DCAF8: variants seen among roughly 807,000 people sequenced by gnomAD.
The protein encoded by DCAF8 is DDB1 and CUL4 associated factor 8.
In DCAF8, 20 loss-of-function variants were observed where a neutral mutation model predicts 68.0. That is an observed-to-expected ratio of 0.29 (90% CI 0.21 to 0.43). DCAF8 has a LOEUF of 0.43. Among genes scored for constraint, DCAF8 ranks in the 20% least tolerant of loss-of-function variants. DCAF8 has a pLI of 1.00. For synonymous variants in DCAF8, 230 were observed against 276.9 expected (o/e 0.83, Z 1.68); for missense variants, 460 against 771.0 (o/e 0.60, Z 4.78).
chr1:160,256,174 A>G (rs1340661277), intron 2 of DCAF8, among the ~76,000 whole-genome samples: 1 of 152,010 alleles, frequency 6.6e-6, no homozygotes, highest in African/African-American at 2.4e-5. Flanking sequence ...CTATAAAAAC[A>G]TCCAGGACCA....
Position 160,222,664 on chromosome 1 carries a change from T to TCCC in DCAF8, c.1424_1426dup (p.Gly475dup). On this transcript the variant is annotated inframe_insertion, in exon 11 of 14. Transcript: ENST00000368074. ...CACCATACTCACCACGCCTCCCTTGTCCCCCTCCATGAACTGAATAATCTG... is the reference window on the plus strand; with the variant it reads ...CACCATACTCACCACGCCTCCCTTGTCCCCCCCCTCCATGAACTGAATAATCTG... 6.2e-7 allele frequency: 1 copy of TCCC among 1,613,960 alleles called. No individual in the cohort carries two copies. Among genetic ancestry groups the TCCC allele is most frequent in the Non-Finnish European group, 8.5e-7 (1 of 1,179,960 alleles).
chr1:160,239,387 G>T, intron 4 of DCAF8: 1 of 1,400,288 alleles, frequency 7.1e-7, no homozygotes, highest in Admixed American at 3.0e-5. Flanking sequence ...TAAGCAGAAG[G>T]GCTAGGATTT....
At chr1:160,223,839 A>C (rs758096162) in intron 10 of DCAF8, among the ~76,000 whole-genome samples, 49 of 152,218 alleles carry the variant, frequency 3.2e-4, no homozygotes, top group Non-Finnish European at 6.0e-4. Context: ...TTGAGGCTGC[A>C]GTGCCTGGGA....
intron 3 of DCAF8, 34 bp downstream of exon 3, chr1:160,243,926 T>C: frequency 2.5e-6 from 4 of 1,611,438 alleles, no homozygotes; most frequent in Non-Finnish European, 2.5e-6. Flanking sequence ...CAGTTGATAG[T>C]AAAAATAGCT....
chr1:160,243,851 G>A, intron 3 of DCAF8, 109 bp downstream of exon 3: 1 of 1,060,714 alleles, frequency 9.4e-7, no homozygotes, highest in Non-Finnish European at 1.4e-6. Flanking sequence ...AACAACACAG[G>A]AAAGTTTCCC....
chr1:160,231,082 T>A (rs1457813633), intron 7 of DCAF8, among the ~76,000 whole-genome samples: 1 of 152,078 alleles, frequency 6.6e-6, no homozygotes. Flanking sequence ...AACTTGATAA[T>A]CTCTAAAATA....
chr1:160,250,804 A>C (rs552353545), intron 2 of DCAF8, among the ~76,000 whole-genome samples: 2 of 152,264 alleles, frequency 1.3e-5, no homozygotes, highest in African/African-American at 4.8e-5. Context: ...AGTAGCTCAA[A>C]GTTGTTCTTG....
At chr1:160,218,810 T>A in intron 12 of DCAF8, 39 bp downstream of exon 12, 2 of 1,612,756 alleles carry the variant, frequency 1.2e-6, no homozygotes, top group Non-Finnish European at 1.7e-6. Flanking sequence ...AGTATGTGGA[T>A]AAGCAGAAAG....
At chr1:160,240,502 T>G in intron 3 of DCAF8, 132 bp from the exon 4 acceptor site, 2 of 805,628 alleles carry the variant, frequency 2.5e-6, no homozygotes, top group Non-Finnish European at 3.8e-6. Context: ...TCATTACAAA[T>G]AATTACAGAG....
intron 4 of DCAF8, chr1:160,239,137 GAACAC>G (rs1655998656): frequency 9.6e-7 from 1 of 1,042,054 alleles, no homozygotes. Context: ...GAAGAAAAGA[GAACAC>G]CCTTAGGATA....
At chr1:160,235,513 A>G (rs1315940576) in intron 6 of DCAF8, among the ~76,000 whole-genome samples, 3 of 151,956 alleles carry the variant, frequency 2.0e-5, no homozygotes, top group Non-Finnish European at 2.9e-5. Context: ...TGGTACACCA[A>G]TGCTATGACA....
At chr1:160,235,585 T>C (rs1165478015) in intron 6 of DCAF8, among the ~76,000 whole-genome samples, 1 of 151,884 alleles carries the variant, frequency 6.6e-6, no homozygotes, top group East Asian at 1.9e-4. Context: ...TCTCCCACAT[T>C]GTAACATGAA....
chr1:160,218,587 G>A (rs925865352), intron 12 of DCAF8, 147 bp from the exon 13 acceptor site: 15 of 791,654 alleles, frequency 1.9e-5, no homozygotes, highest in Admixed American at 9.1e-5. Context: ...CCTAGGTTCA[G>A]CTGCTGAAAA....
intron 7 of DCAF8, among the ~76,000 whole-genome samples, chr1:160,231,042 C>T (rs1479880452): frequency 6.6e-6 from 1 of 152,162 alleles, no homozygotes; most frequent in Non-Finnish European, 1.5e-5. Flanking sequence ...GTGTGAGCCA[C>T]TACACCTGAC....
chr1:160,250,651 G>C (rs1047410127), intron 2 of DCAF8, among the ~76,000 whole-genome samples: 1 of 152,072 alleles, frequency 6.6e-6, no homozygotes, highest in Admixed American at 6.5e-5. Flanking sequence ...ACTTGAAAAC[G>C]AAAGTGCTGA....
rs1481909479 is a variant in DCAF8, at chr1:160,261,666, CA to C, written c.-100-309del. 4 of 152,306 alleles carry C rather than the reference CA, an allele frequency of 2.6e-5. No homozygotes were observed. In the East Asian group the frequency reaches 7.7e-4, roughly 29 times the overall value. 9.4% of individuals were successfully genotyped at this position (152,306 alleles called of 1,614,324 possible). ...AACCTCTCAACAAGAAGCCACAGAG[CA>C]GGGGGGGAAATCCCGGAGAGAATGT... is the stretch of plus-strand genomic sequence containing the variant. On this transcript the variant is annotated intron_variant, in intron 1 of 13. Transcript: ENST00000368074.
At chr1:160,235,414 T>G (rs561278904) in intron 6 of DCAF8, among the ~76,000 whole-genome samples, 25 of 152,050 alleles carry the variant, frequency 1.6e-4, no homozygotes, top group Middle Eastern at 3.4e-3. Flanking sequence ...CCACTGCACC[T>G]GACCAAGATT....
chr1:160,239,575 G>C, intron 4 of DCAF8, 122 bp downstream of exon 4: 1 of 1,598,390 alleles, frequency 6.3e-7, no homozygotes, highest in Non-Finnish European at 8.5e-7. Context: ...GCCAAAGTAG[G>C]GCCATGTCCC....
rs560351881 is a variant in DCAF8, at chr1:160,225,733, T to C, written c.1071-70A>G. On this transcript the variant is annotated intron_variant, in intron 7 of 13. Coordinates refer to ENST00000368074, the MANE Select transcript of DCAF8 (RefSeq NM_015726.4). ...ACCCTTGAAGAGCTGCAATTTGATG[T>C]AGTGGCAGGAAACTGCCAGCTGGAT... is the stretch of plus-strand genomic sequence containing the variant. The C allele has an allele frequency of 1.0e-4, 135 of 1,299,686 alleles. No individual in the cohort carries two copies. The African/African-American group carries it at 1.6e-3, about 15-fold the overall frequency. The allele number at this position is 1,299,686 out of a possible 1,614,324, so 80.5% of individuals were successfully genotyped here.
Sources: gnomAD v4.1 joint callset for allele counts (sites outside exome capture counted in the v4.1 genomes callset) on GRCh38, gnomAD v4.1.1 for gene constraint, MANE v1.5 for transcripts, NCBI Gene and HGNC (gene_info 2026-07-23, HGNC 2026-07-21) for gene names.